The following ROBO1 variants were observed in gnomAD, a reference collection of about 807,000 sequenced individuals.
The protein encoded by ROBO1 is roundabout guidance receptor 1.
In ROBO1, 149 loss-of-function variants were observed where a neutral mutation model predicts 195.9. The ratio of observed to expected loss-of-function variants is 0.76; its 90% CI spans 0.67 to 0.87. The LOEUF is 0.87. Among genes scored for constraint, ROBO1 ranks in the 40% least tolerant of loss-of-function variants. The pLI, the probability that ROBO1 is intolerant of heterozygous loss-of-function variation, is 0.00. For synonymous variants in ROBO1, 816 were observed against 733.2 expected (o/e 1.11, Z -1.82); for missense variants, 1,933 against 2,068.3 (o/e 0.93, Z 1.27).
intron 1 of ROBO1, among the ~76,000 whole-genome samples, chr3:79,743,402 T>A (rs928118413): frequency 1.3e-5 from 2 of 152,188 alleles, no homozygotes; most frequent in African/African-American, 4.8e-5. Context: ...ATAAGGCACT[T>A]ACCATGAATG....
At chr3:79,748,051 AT>A (rs1703950350) in intron 1 of ROBO1, among the ~76,000 whole-genome samples, 1 of 152,126 alleles carries the variant, frequency 6.6e-6, no homozygotes, top group African/African-American at 2.4e-5. Context: ...CCAAAAAAAA[AT>A]ACTACTGCAG....
intron 2 of ROBO1, among the ~76,000 whole-genome samples, chr3:79,373,898 C>G (rs1347525183): frequency 6.6e-6 from 1 of 152,172 alleles, no homozygotes; most frequent in African/African-American, 2.4e-5. Flanking sequence ...AAGCAATCAG[C>G]TGATTACTGT....
intron 4 of ROBO1, among the ~76,000 whole-genome samples, chr3:78,876,959 AGTTT>A (rs1185502815): frequency 6.6e-6 from 1 of 152,086 alleles, no homozygotes. Flanking sequence ...TGACTGCATG[AGTTT>A]GTTTAAGGCC....
chr3:79,137,891 A>AT (rs2080443866), intron 2 of ROBO1, among the ~76,000 whole-genome samples: 1 of 152,102 alleles, frequency 6.6e-6, no homozygotes, highest in African/African-American at 2.4e-5. Context: ...TCACTGAACA[A>AT]TAAGATTGGA....
intron 1 of ROBO1, among the ~76,000 whole-genome samples, chr3:79,647,620 T>A (rs1276977284): frequency 6.6e-6 from 1 of 152,054 alleles, no homozygotes; most frequent in Non-Finnish European, 1.5e-5. Flanking sequence ...AACTTCCTAC[T>A]AAGCACAGGA....
intron 2 of ROBO1, among the ~76,000 whole-genome samples, chr3:79,549,118 G>C (rs1383365488): frequency 6.6e-6 from 1 of 152,108 alleles, no homozygotes; most frequent in African/African-American, 2.4e-5. Context: ...AATGTTTGAA[G>C]GGGAAAATTG....
chr3:78,683,897 C>A (rs1012840463), intron 10 of ROBO1, among the ~76,000 whole-genome samples: 4 of 151,378 alleles, frequency 2.6e-5, no homozygotes, highest in Non-Finnish European at 4.4e-5. Flanking sequence ...GAAGAGTAAA[C>A]ACACTAATCA....
chr3:79,499,917 A>C (rs1412796671), intron 2 of ROBO1, among the ~76,000 whole-genome samples: 12 of 150,514 alleles, frequency 8.0e-5, no homozygotes, highest in Admixed American at 6.6e-4. Flanking sequence ...AGCAATTCTC[A>C]TGCCTCAGTC....
intron 2 of ROBO1, among the ~76,000 whole-genome samples, chr3:79,200,259 A>T (rs1282311181): frequency 6.6e-6 from 1 of 151,828 alleles, no homozygotes; most frequent in African/African-American, 2.4e-5. Flanking sequence ...GGTCACTTAA[A>T]TTCACACAAT....
chr3:79,064,184 G>A (rs1284428739), intron 3 of ROBO1, among the ~76,000 whole-genome samples: 1 of 151,836 alleles, frequency 6.6e-6, no homozygotes, highest in Non-Finnish European at 1.5e-5. Flanking sequence ...ATGTATTGAA[G>A]CATCACACTG....
chr3:78,835,093 A>C (rs2032590472), intron 4 of ROBO1, among the ~76,000 whole-genome samples: 1 of 152,210 alleles, frequency 6.6e-6, no homozygotes, highest in Admixed American at 6.5e-5. Flanking sequence ...TCCATTCTAT[A>C]TTAAACAGAT....
At chr3:79,471,249 C>T (rs967423103) in intron 2 of ROBO1, among the ~76,000 whole-genome samples, 4 of 152,144 alleles carry the variant, frequency 2.6e-5, no homozygotes, top group East Asian at 3.9e-4. Flanking sequence ...CACTGGGCAA[C>T]GATTTTCTTG....
At chr3:78,967,000 C>T (rs1379505318) in intron 3 of ROBO1, among the ~76,000 whole-genome samples, 5 of 152,180 alleles carry the variant, frequency 3.3e-5, no homozygotes, top group Non-Finnish European at 5.9e-5. Context: ...AAAACTCCTA[C>T]CTCACAGGAT....
rs142371008 is a variant in ROBO1 at position 79,229,457 on chromosome 3, A to G, written c.89-103918T>C. Among the ~76,000 whole-genome samples the G allele has an allele frequency of 1.2e-3, 187 of 152,192 alleles. 1 individual carries two copies. Among genetic ancestry groups the G allele is most frequent in the Middle Eastern group, 6.8e-3 (2 of 294 alleles). ...GTATAATAAGATAACTACCTTTTGCATCTTTCAGAGATGGGATCTTGCTCC... is the reference window on the plus strand; with the variant it reads ...GTATAATAAGATAACTACCTTTTGCGTCTTTCAGAGATGGGATCTTGCTCC... On this transcript the variant is annotated intron_variant, in intron 2 of 30. Coordinates refer to ENST00000464233, the MANE Select transcript of ROBO1 (RefSeq NM_002941.4).
chr3:79,614,460 A>C (rs1944758191), intron 1 of ROBO1, among the ~76,000 whole-genome samples: 1 of 152,146 alleles, frequency 6.6e-6, no homozygotes, highest in African/African-American at 2.4e-5. Context: ...AATGCAGATA[A>C]GTAGCACTTA....
At position 79,150,750 on chromosome 3, in the gene ROBO1, T is replaced by G. The variant is rs79183140; in HGVS notation, c.89-25211A>C. 2.5e-3 allele frequency among the ~76,000 whole-genome samples: 377 copies of G among 151,964 alleles called. 2 individuals are homozygous for G. The highest frequency in any genetic ancestry group is 8.6e-3 in the African/African-American group (357 of 41,516). On this transcript the variant is annotated intron_variant, in intron 2 of 30. Transcript: ENST00000464233. ...CATAAATATTTACTATATGCATTTT[T>G]ATGCATAGTGTCTCAAGTTTACATG... is the stretch of plus-strand genomic sequence containing the variant.
intron 3 of ROBO1, among the ~76,000 whole-genome samples, chr3:79,012,432 A>G (rs1331223776): frequency 6.6e-6 from 1 of 152,210 alleles, no homozygotes; most frequent in Non-Finnish European, 1.5e-5. Context: ...GTGACCCTAG[A>G]ACATTTTCTA....
chr3:79,403,113 A>C (rs1262687246), intron 2 of ROBO1, among the ~76,000 whole-genome samples: 1 of 151,910 alleles, frequency 6.6e-6, no homozygotes, highest in Non-Finnish European at 1.5e-5. Flanking sequence ...GTTTTATATC[A>C]CAAAAAACCT....
chr3:78,721,342 T>C (rs985725729), intron 5 of ROBO1, among the ~76,000 whole-genome samples: 5 of 152,134 alleles, frequency 3.3e-5, no homozygotes, highest in Admixed American at 3.3e-4. Flanking sequence ...GAAACAAAAT[T>C]ATTACAGGAA....
Sources: gnomAD v4.1 joint callset for allele counts (sites outside exome capture counted in the v4.1 genomes callset) on GRCh38, gnomAD v4.1.1 for gene constraint, MANE v1.5 for transcripts, NCBI Gene and HGNC (gene_info 2026-07-23, HGNC 2026-07-21) for gene names.